The following CASZ1 variants were observed in gnomAD, a reference collection of about 807,000 sequenced individuals.
CASZ1 encodes zinc finger protein castor homolog 1.
In CASZ1, 28 loss-of-function variants were observed where a neutral mutation model predicts 135.2. The ratio of observed to expected loss-of-function variants is 0.21; its 90% CI spans 0.15 to 0.28. The LOEUF (loss-of-function observed/expected upper bound fraction) is 0.28, where lower values mean the gene tolerates loss of function less well. Ranked by LOEUF, CASZ1 falls within the 10% of genes least tolerant of loss-of-function variation. The pLI is 1.00. For synonymous variants in CASZ1, 1,068 were observed against 1,073.4 expected (o/e 0.99, Z 0.10); for missense variants, 2,161 against 2,453.3 (o/e 0.88, Z 2.52).
At chr1:10,713,685 C>T (rs1639327028) in intron 2 of CASZ1, among the ~76,000 whole-genome samples, 2 of 152,248 alleles carry the variant, frequency 1.3e-5, no homozygotes. Context: ...GAGACAAGGC[C>T]ATCTCTAAGT....
At position 10,651,005 on chromosome 1, in the gene CASZ1, C is replaced by A; in HGVS notation, c.2752G>T (p.Gly918Cys). The A allele has an allele frequency of 6.4e-7, 1 of 1,570,316 alleles. No homozygotes were observed. Residue 918 changes from glycine to cysteine, a missense_variant, in exon 12 of 21, where the codon GGC becomes TGC. By Grantham distance (159) the Gly-to-Cys change is radical (BLOSUM62 -3). This residue lies in a region of CASZ1 where 406 missense variants were observed against 387.6 expected (regional missense o/e 1.05). Transcript: ENST00000377022. ...GAGGCTTCGTGGGGGCCTGGGGCGC[C>A]GGTGCTCTCACCGGGTTCCGGCTTC... ...QVKPEPGEST[G>C]APGPHEASQD...
chr1:10,699,980 AAGAG>A lies in CASZ1; in HGVS notation c.-24+5508_-24+5511del, dbSNP rs1173943418. ...AGAGAAGCAGAGACAGAGAGAGAGA[AAGAG>A]AGACAGGCAGAGAGAGAGAGAGAAA... On this transcript the variant is annotated intron_variant, in intron 3 of 20. Coordinates refer to ENST00000377022, the MANE Select transcript of CASZ1 (RefSeq NM_001079843.3). This position sits in a 1 kb window ranked among gnomAD's most constrained non-coding sequence, Gnocchi z 4.6. Among the ~76,000 whole-genome samples, 5 of 151,312 alleles carry A rather than the reference AAGAG, an allele frequency of 3.3e-5. No individual in the cohort carries two copies. The highest frequency in any genetic ancestry group is 7.4e-5 in the Non-Finnish European group (5 of 67,690).
chr1:10,639,529 T>G lies in CASZ1; in HGVS notation c.4693A>C (p.Lys1565Gln), dbSNP rs1210178917. 6.2e-7 allele frequency: 1 copy of G among 1,611,154 alleles called. No homozygotes were observed. Among genetic ancestry groups the G allele is most frequent in the Non-Finnish European group, 8.5e-7 (1 of 1,178,828 alleles). ...CAGTGGAAGTGCGAGCACTTGAGCT[T>G]GTACTTGCAGTCGGGCACGGCGCAG... is the stretch of plus-strand genomic sequence containing the variant. ...ADCAVPDCKY[K>Q]LKCSHFHCTF... is the part of the protein sequence containing the mutation. The change falls in exon 21 of 21, where the codon AAG becomes CAG. Residue 1565 changes from lysine to glutamine, a missense_variant. By Grantham distance (53) the Lys-to-Gln change is moderately conservative (BLOSUM62 1). Coordinates refer to ENST00000377022, the MANE Select transcript of CASZ1 (RefSeq NM_001079843.3). The surrounding 1 kb of genome is among the most constrained non-coding windows in gnomAD (Gnocchi z 4.0).
chr1:10,685,352 G>A (rs543053632), intron 4 of CASZ1, among the ~76,000 whole-genome samples: 5 of 152,308 alleles, frequency 3.3e-5, no homozygotes, highest in Admixed American at 2.0e-4. Context: ...CCATGAACCC[G>A]CTGGTGACAG....
In CASZ1 at chr1:10,679,914, C is replaced by T. The variant is rs1279661398; in HGVS notation, c.16+13960G>A. On this transcript the variant is annotated intron_variant, in intron 4 of 20. Coordinates refer to ENST00000377022, the MANE Select transcript of CASZ1 (RefSeq NM_001079843.3). This position sits in a 1 kb window ranked among gnomAD's most constrained non-coding sequence, Gnocchi z 4.7. ...CTCCCCTACCCTTCCAGCATCCCTA[C>T]CCATTACCCGTCCCAAACCCAGCTG... Among the ~76,000 whole-genome samples, 3 of 152,186 alleles carry T rather than the reference C, an allele frequency of 2.0e-5. No homozygotes were observed. Among genetic ancestry groups the T allele is most frequent in the Admixed American group, 6.5e-5 (1 of 15,286 alleles).
intron 7 of CASZ1, among the ~76,000 whole-genome samples, chr1:10,656,937 G>A (rs1346797283): frequency 6.6e-6 from 1 of 152,170 alleles, no homozygotes; most frequent in African/African-American, 2.4e-5. Context: ...CCAAGAAAGG[G>A]GCAGGACAAC....
chr1:10,767,689 C>T lies in CASZ1; in HGVS notation c.-233-6832G>A, dbSNP rs951923629. The stretch of plus-strand genomic sequence containing the variant: ...TTAATGTTCTCTATAATTCATCCAT[C>T]GCAGAAGATAATCGATAGAGCCCGT... On this transcript the variant is annotated intron_variant, in intron 1 of 20. Coordinates refer to ENST00000377022, the MANE Select transcript of CASZ1 (RefSeq NM_001079843.3). The surrounding 1 kb of genome is among the most constrained non-coding windows in gnomAD (Gnocchi z 4.2). Among the ~76,000 whole-genome samples, 1 of 152,180 alleles carries T rather than the reference C, an allele frequency of 6.6e-6. No individual in the cohort carries two copies. Among genetic ancestry groups the T allele is most frequent in the Non-Finnish European group, 1.5e-5 (1 of 68,038 alleles).
At chr1:10,778,116 A>G (rs1640694447) in intron 1 of CASZ1, among the ~76,000 whole-genome samples, 1 of 151,504 alleles carries the variant, frequency 6.6e-6, no homozygotes, top group South Asian at 2.1e-4. Context: ...CACAATCACA[A>G]TTTCACACAA....
intron 2 of CASZ1, among the ~76,000 whole-genome samples, chr1:10,736,441 C>T (rs1639799858): frequency 6.6e-6 from 1 of 152,194 alleles, no homozygotes; most frequent in South Asian, 2.1e-4. Flanking sequence ...TGTTCTGATC[C>T]CGTGAGTCTG....
intron 2 of CASZ1, among the ~76,000 whole-genome samples, chr1:10,718,525 C>A (rs993801977): frequency 1.3e-5 from 2 of 152,252 alleles, no homozygotes; most frequent in African/African-American, 2.4e-5. Flanking sequence ...GGCTCCTTCT[C>A]CAAGAACCCC....
At chr1:10,791,122 A>G (rs796174542) in intron 1 of CASZ1, among the ~76,000 whole-genome samples, 2 of 151,996 alleles carry the variant, frequency 1.3e-5, no homozygotes, top group South Asian at 2.1e-4. Flanking sequence ...GTGTTAGTCA[A>G]TCATCAGAGC....
chr1:10,706,885 CAG>C lies in CASZ1; in HGVS notation c.-76-1343_-76-1342del, dbSNP rs914685583. On this transcript the variant is annotated intron_variant, in intron 2 of 20. Transcript: ENST00000377022. The surrounding 1 kb of genome is among the most constrained non-coding windows in gnomAD (Gnocchi z 4.3). ...CAGAGAGCTGGGCGGACCCCTGAGA[CAG>C]GGGGCGGTAGAGAGGATGGGGGGCT... is the stretch of plus-strand genomic sequence containing the variant. Among the ~76,000 whole-genome samples the C allele has an allele frequency of 2.0e-5, 3 of 146,660 alleles. No individual in the cohort carries two copies. The highest frequency in any genetic ancestry group is 5.1e-5 in the African/African-American group (2 of 39,330).
chr1:10,663,206 C>T (rs1643107218), intron 5 of CASZ1, among the ~76,000 whole-genome samples: 1 of 152,182 alleles, frequency 6.6e-6, no homozygotes, highest in Admixed American at 6.5e-5. Flanking sequence ...GCGAACCTGC[C>T]AGGTCTGGGA....
At chr1:10,790,240 A>T (rs896189621) in intron 1 of CASZ1, among the ~76,000 whole-genome samples, 2 of 152,370 alleles carry the variant, frequency 1.3e-5, no homozygotes, top group Middle Eastern at 3.4e-3. Context: ...GGTGCTGGCA[A>T]TGATGCTTCC....
Position 10,659,884 on chromosome 1 carries a change from G to T in CASZ1, c.1158C>A (p.Pro386=). ...YDVRGIQKPG[P]AKVPPTPSLA... is the part of the protein sequence containing the mutation. ...GGCTGGGGGTGGGCGGAACCTTGGC[G>T]GGGCCTGGCTTCTGGATGCCCCGGA... is the stretch of plus-strand genomic sequence containing the variant. Residue 386 remains proline, a synonymous_variant, in exon 6 of 21, where the codon CCC becomes CCA. Transcript: ENST00000377022. 1 of 1,611,056 alleles carries T rather than the reference G, an allele frequency of 6.2e-7. No individual in the cohort carries two copies. The highest frequency in any genetic ancestry group is 2.2e-5 in the East Asian group (1 of 44,828).
At position 10,774,542 on chromosome 1, in the gene CASZ1, G is replaced by A. The variant is rs959941516; in HGVS notation, c.-233-13685C>T. Among the ~76,000 whole-genome samples the A allele has an allele frequency of 1.7e-5, 2 of 117,006 alleles. No individual in the cohort carries two copies. The highest frequency in any genetic ancestry group is 5.8e-5 in the African/African-American group (2 of 34,244). 76.8% of individuals were successfully genotyped at this position (117,006 alleles called of 152,430 possible). On this transcript the variant is annotated intron_variant, in intron 1 of 20. Transcript: ENST00000377022. This position sits in a 1 kb window ranked among gnomAD's most constrained non-coding sequence, Gnocchi z 4.4. Reference sequence around the variant, plus strand: ...CATTCTTTAAGCCCCGTGATCCCAAGAAATCCCATCCATAGCCCCCCCGAT... The same window carrying A: ...CATTCTTTAAGCCCCGTGATCCCAAAAAATCCCATCCATAGCCCCCCCGAT...
intron 1 of CASZ1, among the ~76,000 whole-genome samples, chr1:10,787,438 G>A (rs1031718067): frequency 1.3e-5 from 2 of 152,222 alleles, no homozygotes; most frequent in Non-Finnish European, 2.9e-5. Context: ...CGAAATTCCC[G>A]AAGGAGCTGT....
intron 1 of CASZ1, 71 bp downstream of exon 1, chr1:10,796,493 G>A (rs1365373636): frequency 1.3e-5 from 2 of 152,390 alleles, no homozygotes; most frequent in East Asian, 1.9e-4. Context: ...GAGACGGGGA[G>A]GCGCCCCGGG....
chr1:10,694,315 A>G lies in CASZ1; in HGVS notation c.-23-403T>C. Reference sequence around the variant, plus strand: ...TACTCACCATAGTCGGAGAGTCGAAAGCCGAATTCACTTAAATAATCAACT... The same window carrying G: ...TACTCACCATAGTCGGAGAGTCGAAGGCCGAATTCACTTAAATAATCAACT... On this transcript the variant is annotated intron_variant, in intron 3 of 20. Coordinates refer to ENST00000377022, the MANE Select transcript of CASZ1 (RefSeq NM_001079843.3). The surrounding 1 kb of genome is among the most constrained non-coding windows in gnomAD (Gnocchi z 6.6). 1 of 1,157,582 alleles carries G rather than the reference A, an allele frequency of 8.6e-7. No homozygotes were observed. Among genetic ancestry groups the G allele is most frequent in the South Asian group, 1.6e-5 (1 of 63,000 alleles). The allele number at this position is 1,157,582 out of a possible 1,614,324, so 71.7% of individuals were successfully genotyped here. A position where few individuals can be genotyped will look rare whatever the true frequency, so the allele number is the denominator to read the frequency against.
Sources: allele counts gnomAD v4.1 joint callset (sites outside exome capture counted in the v4.1 genomes callset), GRCh38; gene constraint gnomAD v4.1.1; regional missense constraint gnomAD v4.1.1; non-coding constraint Gnocchi (gnomAD v3.1); transcripts MANE v1.5; gene names NCBI Gene and HGNC (gene_info 2026-07-23, HGNC 2026-07-21).